The following NOL4L variants were observed in gnomAD, a reference collection of about 807,000 sequenced individuals.
NOL4L encodes nucleolar protein 4 like.
A neutral mutation model predicts 64.5 loss-of-function variants in NOL4L; 7 were observed. The observed-to-expected ratio is 0.11, with a 90% CI of 0.06 to 0.20. The LOEUF (loss-of-function observed/expected upper bound fraction) is 0.20, where lower values mean the gene tolerates loss of function less well. Ranked by LOEUF, NOL4L falls within the 10% of genes least tolerant of loss-of-function variation. NOL4L has a pLI of 1.00. For synonymous variants in NOL4L, 413 were observed against 401.0 expected, an observed-to-expected ratio of 1.03 and a Z score of -0.36; for missense variants, 680 against 967.1, an observed-to-expected ratio of 0.70 and a Z score of 3.94.
chr20:32,447,852 C>CA, intron 10 of NOL4L, 36 bp from the exon 11 acceptor site: 1 of 1,516,528 alleles, frequency 6.6e-7, no homozygotes, highest in Non-Finnish European at 8.8e-7. Context: ...AGGGAGCAGC[C>CA]ACCCTGCCTG....
chr20:32,445,260 A>C lies in NOL4L; in HGVS notation c.*2336T>G, dbSNP rs1569351102. The C allele has an allele frequency of 6.6e-6, 1 of 152,210 alleles. No homozygotes were observed. Among genetic ancestry groups the C allele is most frequent in the South Asian group, 2.1e-4 (1 of 4,838 alleles). The allele number at this position is 152,210 out of a possible 1,614,324, so 9.4% of individuals were successfully genotyped here. A position where few individuals can be genotyped will look rare whatever the true frequency, so the allele number is the denominator to read the frequency against. ...TTGAACTCAGAAAAACATGACTTCA[A>C]ACTGTAGCTTATGCTGATCTTTAGA... On this transcript the variant is annotated 3_prime_UTR_variant, in exon 11 of 11. Coordinates refer to ENST00000621426, the MANE Select transcript of NOL4L (RefSeq NM_001256798.2).
At chr20:32,452,827 G>T (rs1600630852) in intron 9 of NOL4L, 57 bp downstream of exon 9, 1 of 1,605,628 alleles carries the variant, frequency 6.2e-7, no homozygotes. Context: ...CCCATATAAG[G>T]CCTGCCCTCC....
intron 1 of NOL4L, among the ~76,000 whole-genome samples, chr20:32,583,850 G>A (rs929762487): frequency 1.4e-5 from 2 of 145,620 alleles, no homozygotes; most frequent in Admixed American, 1.3e-4. Flanking sequence ...CCGGGGGACG[G>A]GGGAGGGGAG....
chr20:32,574,791 G>A (rs962279184), intron 1 of NOL4L, among the ~76,000 whole-genome samples: 8 of 151,872 alleles, frequency 5.3e-5, no homozygotes, highest in African/African-American at 1.5e-4. Context: ...CCTAAGTCAC[G>A]GGGTCCCCTC....
At position 32,510,054 on chromosome 20, in the gene NOL4L, A is replaced by G. The variant is rs566126530; in HGVS notation, c.699+1293T>C. 256 of 826,696 alleles carry G rather than the reference A, an allele frequency of 3.1e-4. No individual in the cohort carries two copies. In the African/African-American group the frequency reaches 4.1e-3, roughly 13 times the overall value. The allele number at this position is 826,696 out of a possible 1,614,324, so 51.2% of individuals were successfully genotyped here. A position where few individuals can be genotyped will look rare whatever the true frequency, so the allele number is the denominator to read the frequency against. On this transcript the variant is annotated intron_variant, in intron 4 of 10. Transcript: ENST00000621426. ...AACCAACAACAAAAGCAACACCCTC[A>G]TTACCGACACTCCTGCAGCTCAAAC...
intron 4 of NOL4L, among the ~76,000 whole-genome samples, chr20:32,499,738 C>CAAAAAAAAAAAAAAA (rs10692885): frequency 5.8e-5 from 3 of 51,342 alleles, no homozygotes; most frequent in African/African-American, 2.5e-4. Context: ...GACCTTGTCT[C>CAAAAAAAAAAAAAAA]AAAAAAAAAA....
chr20:32,487,880 T>C (rs2016156451), intron 4 of NOL4L, among the ~76,000 whole-genome samples: 2 of 152,270 alleles, frequency 1.3e-5, no homozygotes, highest in East Asian at 1.9e-4. Flanking sequence ...TAAACCTCTC[T>C]AAGCAACAGT....
chr20:32,488,845 TTC>T (rs1444036349), intron 4 of NOL4L, among the ~76,000 whole-genome samples: 2 of 90,580 alleles, frequency 2.2e-5, no homozygotes, highest in African/African-American at 1.5e-4. Flanking sequence ...CTTTCTTTCT[TTC>T]TTTCTTTCTT....
chr20:32,557,695 G>A (rs1012209725), intron 1 of NOL4L, among the ~76,000 whole-genome samples: 3 of 152,226 alleles, frequency 2.0e-5, no homozygotes, highest in African/African-American at 7.2e-5. Context: ...ACCAGTCACA[G>A]GGGAACCTTC....
chr20:32,475,149 A>G (rs2015307052), intron 4 of NOL4L: 4 of 985,488 alleles, frequency 4.1e-6, no homozygotes, highest in Non-Finnish European at 4.8e-6. Context: ...GGGCAGCAGC[A>G]CATGCCCGCC....
intron 5 of NOL4L, among the ~76,000 whole-genome samples, chr20:32,469,637 C>T (rs2014856461): frequency 6.6e-6 from 1 of 152,230 alleles, no homozygotes. Context: ...TCCCAAAATG[C>T]TGGGCTTACA....
At chr20:32,546,182 A>C (rs2018730902) in intron 1 of NOL4L, among the ~76,000 whole-genome samples, 1 of 152,104 alleles carries the variant, frequency 6.6e-6, no homozygotes, top group South Asian at 2.1e-4. Context: ...ACCTGACCTC[A>C]TGACCTGCCG....
chr20:32,546,047 C>T (rs2018728936), intron 1 of NOL4L, among the ~76,000 whole-genome samples: 1 of 150,682 alleles, frequency 6.6e-6, no homozygotes, highest in African/African-American at 2.4e-5. Context: ...CTCCTTGGTT[C>T]AGGCGATTCT....
intron 1 of NOL4L, chr20:32,565,123 A>G (rs1979343164): frequency 6.6e-6 from 1 of 152,346 alleles, no homozygotes; most frequent in South Asian, 2.1e-4. Context: ...TGAGGCTCAG[A>G]GAAGCTGACA....
rs749342775 is a variant in NOL4L at position 32,447,732 on chromosome 20, C to CTGCTGG, written c.1901_1906dup (p.Thr634_Ser635dup). On this transcript the variant is annotated inframe_insertion, in exon 11 of 11. Coordinates refer to ENST00000621426, the MANE Select transcript of NOL4L (RefSeq NM_001256798.2). ...GCTGAGCTGAGCGGTGGGCACGGGC[C>CTGCTGG]TGCTGGTGCTGGTGCTGGAGGGGGT... is the stretch of plus-strand genomic sequence containing the variant. The CTGCTGG allele has an allele frequency of 5.3e-5, 84 of 1,585,908 alleles. No individual in the cohort carries two copies. Among genetic ancestry groups the CTGCTGG allele is most frequent in the Admixed American group, 8.5e-5 (5 of 58,612 alleles).
In NOL4L at chr20:32,453,483, G is replaced by A; in HGVS notation, c.1318C>T (p.Leu440Phe). The A allele has an allele frequency of 6.2e-7, 1 of 1,614,112 alleles. No homozygotes were observed. The highest frequency in any genetic ancestry group is 8.5e-7 in the Non-Finnish European group (1 of 1,179,996). The stretch of plus-strand genomic sequence containing the variant: ...CGGTCCAGGTTCTCGTCCACAAAGA[G>A]ACGCACAAACATCTGTGGAGACACG... ...RLKAFNMFVR[L>F]FVDENLDRMV... Residue 440 changes from leucine to phenylalanine, a missense_variant, in exon 8 of 11, where the codon CTC becomes TTC. Around this residue, in one of 4 missense-constraint regions of NOL4L, gnomAD observed 70 missense variants for 166.1 expected, o/e 0.42. Coordinates refer to ENST00000621426, the MANE Select transcript of NOL4L (RefSeq NM_001256798.2). This position sits in a 1 kb window ranked among gnomAD's most constrained non-coding sequence, Gnocchi z 5.6.
chr20:32,584,863 C>T lies in NOL4L; in HGVS notation c.28G>A (p.Gly10Arg), dbSNP rs1337636263. ...GGGCTGCGCTCGCGCTCCCAGCCCC[C>T]GCGCAGCAGCAGCGTCGGCTTCGGC... The part of the protein sequence containing the change: MPKPTLLLR[G>R]GWERERSPGD... Residue 10 changes from glycine to arginine, a missense_variant, in exon 1 of 11, where the codon GGG becomes AGG. Around this residue, in one of 4 missense-constraint regions of NOL4L, gnomAD observed 181 missense variants for 335.2 expected, o/e 0.54. Coordinates refer to ENST00000621426, the MANE Select transcript of NOL4L (RefSeq NM_001256798.2). 10 of 1,414,748 alleles carry T rather than the reference C, an allele frequency of 7.1e-6. No individual in the cohort carries two copies. The highest frequency in any genetic ancestry group is 9.3e-6 in the Non-Finnish European group (10 of 1,075,652). 87.6% of individuals were successfully genotyped at this position (1,414,748 alleles called of 1,614,324 possible). A position where few individuals can be genotyped will look rare whatever the true frequency, so the allele number is the denominator to read the frequency against.
In NOL4L at chr20:32,475,251, C is replaced by T. The variant is rs932906177; in HGVS notation, c.700-509G>A. The T allele has an allele frequency of 4.1e-6, 4 of 985,360 alleles. No individual in the cohort carries two copies. The African/African-American group carries it at 7.0e-5, about 17-fold the overall frequency. 61.0% of individuals were successfully genotyped at this position (985,360 alleles called of 1,614,324 possible). On this transcript the variant is annotated intron_variant, in intron 4 of 10. Coordinates refer to ENST00000621426, the MANE Select transcript of NOL4L (RefSeq NM_001256798.2). ...ATGGAATTCCTTTCTCCCACTCCCC[C>T]AGCCCAGAGGACGTTTCTGTCTTCC... is the stretch of plus-strand genomic sequence containing the variant.
intron 4 of NOL4L, among the ~76,000 whole-genome samples, chr20:32,492,907 A>G (rs2016522333): frequency 6.6e-6 from 1 of 152,034 alleles, no homozygotes; most frequent in South Asian, 2.1e-4. Context: ...GTGGGTCTCC[A>G]GGGTGTGTGG....
Sources: allele counts gnomAD v4.1 joint callset (sites outside exome capture counted in the v4.1 genomes callset), GRCh38; gene constraint gnomAD v4.1.1; regional missense constraint gnomAD v4.1.1; non-coding constraint Gnocchi (gnomAD v3.1); transcripts MANE v1.5; gene names NCBI Gene and HGNC (gene_info 2026-07-23, HGNC 2026-07-21).